Variants in R3HCC1L observed in about 807,000 individuals in gnomAD.
R3HCC1L encodes the protein coiled-coil domain-containing protein R3HCC1L.
In R3HCC1L, 51 loss-of-function variants were observed where a neutral mutation model predicts 59.9. The observed-to-expected ratio is 0.85, with a 90% CI of 0.68 to 1.07. The LOEUF is 1.07. Ranked by LOEUF, R3HCC1L falls within the 50% of genes least tolerant of loss-of-function variation. The pLI is 0.00. For synonymous variants in R3HCC1L, 322 were observed against 315.2 expected (o/e 1.02, Z -0.23); for missense variants, 965 against 933.0 (o/e 1.03, Z -0.45).
Position 98,208,472 on chromosome 10 carries a change from GGA to G in R3HCC1L, c.359_360del (p.Gly120AlafsTer13). The G allele has an allele frequency of 6.2e-7, 1 of 1,614,120 alleles. No homozygotes were observed. The highest frequency in any genetic ancestry group is 8.5e-7 in the Non-Finnish European group (1 of 1,180,004). ...TGAATCCAAAGAAGTATTATCCCAA[GGA>G]CAACAGCAGGGAGCCCCAAATGCTG... is the stretch of plus-strand genomic sequence containing the variant. ...TTESKEVLSQ[G>X]QQQGAPNAGV... is the part of the protein sequence containing the mutation. On this transcript the variant is annotated frameshift_variant, in exon 5 of 10. Transcript: ENST00000298999. LOFTEE classifies it high-confidence loss of function.
intron 4 of R3HCC1L, among the ~76,000 whole-genome samples, chr10:98,192,347 G>T (rs1453307780): frequency 6.6e-6 from 1 of 151,838 alleles, no homozygotes; most frequent in African/African-American, 2.4e-5. Flanking sequence ...AAAAAGTAAA[G>T]AAACTAAATA....
chr10:98,192,176 T>C (rs1381402002), intron 4 of R3HCC1L, among the ~76,000 whole-genome samples: 1 of 152,088 alleles, frequency 6.6e-6, no homozygotes, highest in Non-Finnish European at 1.5e-5. Context: ...ACTGTGTTAT[T>C]ATATGAAATG....
chr10:98,208,605 C>G lies in R3HCC1L; in HGVS notation c.491C>G (p.Ser164Ter). 1.9e-6 allele frequency: 3 copies of G among 1,614,078 alleles called. No homozygotes were observed. The highest frequency in any genetic ancestry group is 2.5e-6 in the Non-Finnish European group (3 of 1,180,012). Residue 164 changes from serine (S) to a stop codon, truncating the protein, a stop_gained, in exon 5 of 10, where the codon TCA (serine) becomes TGA (stop). Coordinates refer to ENST00000298999, the MANE Select transcript of R3HCC1L (RefSeq NM_001351015.2). LOFTEE classifies it high-confidence loss of function. The stretch of plus-strand genomic sequence containing the variant: ...ACAGGACATGAGAGGATACTTCTTT[C>G]ACAGGCCTGTTTAGAAATCAGCGAG... ...DVTGHERILL[S>*]QACLEISEAQ...
intron 2 of R3HCC1L, among the ~76,000 whole-genome samples, chr10:98,162,448 A>C (rs1358646742): frequency 6.6e-6 from 1 of 152,232 alleles, no homozygotes; most frequent in African/African-American, 2.4e-5. Context: ...ACATTCAGCA[A>C]AACAGAACCT....
intron 1 of R3HCC1L, among the ~76,000 whole-genome samples, chr10:98,139,305 AT>A (rs1210416750): frequency 2.0e-5 from 3 of 152,246 alleles, no homozygotes; most frequent in African/African-American, 7.2e-5. Context: ...TTATATAAAT[AT>A]ATGATTAGCC....
chr10:98,226,890 ATTCTGT>A (rs1855731893), intron 5 of R3HCC1L, among the ~76,000 whole-genome samples: 1 of 152,218 alleles, frequency 6.6e-6, no homozygotes, highest in African/African-American at 2.4e-5. Context: ...CAGTTTATGT[ATTCTGT>A]TTCTCTTTGG....
intron 2 of R3HCC1L, among the ~76,000 whole-genome samples, chr10:98,162,345 C>T (rs1234004018): frequency 6.6e-6 from 1 of 152,122 alleles, no homozygotes; most frequent in South Asian, 2.1e-4. Flanking sequence ...GGTCTTTTGA[C>T]ACATAAAAGT....
intron 4 of R3HCC1L, among the ~76,000 whole-genome samples, chr10:98,202,663 C>T (rs1423491431): frequency 6.6e-6 from 1 of 152,012 alleles, no homozygotes; most frequent in East Asian, 1.9e-4. Context: ...ACCAGCCTGG[C>T]CAATATGGTG....
At chr10:98,172,597 C>T (rs1848622468) in intron 4 of R3HCC1L, among the ~76,000 whole-genome samples, 1 of 152,160 alleles carries the variant, frequency 6.6e-6, no homozygotes, top group South Asian at 2.1e-4. Flanking sequence ...CTGCTTTCAC[C>T]AGGCAGCCAT....
intron 4 of R3HCC1L, among the ~76,000 whole-genome samples, chr10:98,171,247 A>G (rs920184908): frequency 6.6e-6 from 1 of 152,202 alleles, no homozygotes; most frequent in African/African-American, 2.4e-5. Context: ...AATTCTCAGT[A>G]TCTTTATCTG....
intron 4 of R3HCC1L, among the ~76,000 whole-genome samples, chr10:98,199,922 C>T (rs1160555723): frequency 6.6e-6 from 1 of 151,978 alleles, no homozygotes; most frequent in African/African-American, 2.4e-5. Context: ...CTGATAGCAT[C>T]CTTCATTTTG....
rs900399061 is a variant in R3HCC1L, at chr10:98,220,459, T to C, written c.1785+10560T>C. 2.0e-5 allele frequency among the ~76,000 whole-genome samples: 3 copies of C among 148,300 alleles called. No homozygotes were observed. In the Admixed American group the frequency reaches 2.0e-4, roughly 10 times the overall value. On this transcript the variant is annotated intron_variant, in intron 5 of 9. Transcript: ENST00000298999. Reference sequence around the variant, plus strand: ...TGCAGGTTAGTTACATATGTATACATATGCCATGCTGGTGCACTGCACCCA... The same window carrying C: ...TGCAGGTTAGTTACATATGTATACACATGCCATGCTGGTGCACTGCACCCA...
intron 6 of R3HCC1L, among the ~76,000 whole-genome samples, chr10:98,233,549 TC>T (rs1856609285): frequency 6.6e-6 from 1 of 152,202 alleles, no homozygotes; most frequent in Admixed American, 6.5e-5. Flanking sequence ...CATACTTTCT[TC>T]ATTTTTACAG....
chr10:98,226,956 T>C (rs1237029103), intron 5 of R3HCC1L, among the ~76,000 whole-genome samples: 1 of 152,244 alleles, frequency 6.6e-6, no homozygotes, highest in African/African-American at 2.4e-5. Context: ...TCCCTTGTTA[T>C]CTTACAAACT....
At chr10:98,243,607 T>G (rs1001743060) in intron 9 of R3HCC1L, among the ~76,000 whole-genome samples, 4 of 152,224 alleles carry the variant, frequency 2.6e-5, no homozygotes, top group Non-Finnish European at 5.9e-5. Flanking sequence ...TCTGAAATAT[T>G]TTTTCAATAA....
chr10:98,140,595 A>C (rs757238411), intron 1 of R3HCC1L, among the ~76,000 whole-genome samples: 6 of 152,190 alleles, frequency 3.9e-5, no homozygotes, highest in Admixed American at 6.5e-5. Flanking sequence ...GGGAGACAGA[A>C]AGAGTGAATG....
chr10:98,188,465 A>C (rs1850472830), intron 4 of R3HCC1L, among the ~76,000 whole-genome samples: 1 of 152,208 alleles, frequency 6.6e-6, no homozygotes, highest in Non-Finnish European at 1.5e-5. Context: ...TAAGTCTTCA[A>C]ATGGCAATGG....
chr10:98,179,897 G>C (rs1849460210), intron 4 of R3HCC1L, among the ~76,000 whole-genome samples: 1 of 152,108 alleles, frequency 6.6e-6, no homozygotes, highest in South Asian at 2.1e-4. Context: ...TTTCTGTGGG[G>C]ATTGGTGGTG....
At chr10:98,166,476 A>G (rs1847959726) in intron 4 of R3HCC1L, among the ~76,000 whole-genome samples, 1 of 151,960 alleles carries the variant, frequency 6.6e-6, no homozygotes, top group Non-Finnish European at 1.5e-5. Context: ...TATTCTTTCC[A>G]CTTGTAATAT....
Sources: allele counts gnomAD v4.1 joint callset (sites outside exome capture counted in the v4.1 genomes callset), GRCh38; gene constraint gnomAD v4.1.1; transcripts MANE v1.5; gene names NCBI Gene and HGNC (gene_info 2026-07-23, HGNC 2026-07-21).